The following IP6K1 variants were observed in gnomAD, a reference collection of about 807,000 sequenced individuals.
The protein encoded by IP6K1 is ATP:1D-myo-inositol-hexakisphosphate phosphotransferase.
IP6K1 carries 13 observed loss-of-function variants against 38.3 expected under a neutral mutation model. The observed-to-expected ratio is 0.34, with a 90% CI of 0.22 to 0.54. IP6K1 has a LOEUF of 0.54. IP6K1 is among the 20% of genes least tolerant of loss of function. The pLI is 0.92. For synonymous variants in IP6K1, 212 were observed against 229.9 expected (o/e 0.92, Z 0.70); for missense variants, 397 against 599.8 (o/e 0.66, Z 3.53).
intron 1 of IP6K1, among the ~76,000 whole-genome samples, chr3:49,771,720 G>A (rs2080961652): frequency 1.3e-5 from 2 of 152,164 alleles, no homozygotes; most frequent in African/African-American, 4.8e-5. Context: ...GAATGTGTAT[G>A]TCCACACAAA....
chr3:49,770,171 T>C (rs1431130982), intron 1 of IP6K1, among the ~76,000 whole-genome samples: 1 of 152,328 alleles, frequency 6.6e-6, no homozygotes, highest in East Asian at 1.9e-4. Flanking sequence ...CACTCTAGCC[T>C]GGGCCACTTC....
intron 1 of IP6K1, among the ~76,000 whole-genome samples, chr3:49,782,872 G>A (rs555887345): frequency 6.6e-6 from 1 of 150,814 alleles, no homozygotes; most frequent in East Asian, 2.0e-4. Context: ...CACTTTGGGA[G>A]GCCAAGGTGG....
Position 49,730,741 on chromosome 3 carries a change from A to T in IP6K1, c.616+2050T>A, listed in dbSNP as rs2080555010. Among the ~76,000 whole-genome samples the T allele has an allele frequency of 2.0e-5, 3 of 151,112 alleles. No homozygotes were observed. The South Asian group carries it at 6.3e-4, about 32-fold the overall frequency. ...TTTTGTATTTTTTTTTTTGAGATGG[A>T]GTTTCACTCTTGTTGCCTAGGCTGG... On this transcript the variant is annotated intron_variant, in intron 4 of 5. Transcript: ENST00000321599.
Position 49,727,008 on chromosome 3 carries a change from C to T in IP6K1, c.*114G>A. The T allele has an allele frequency of 4.6e-6, 5 of 1,091,958 alleles. No homozygotes were observed. Among genetic ancestry groups the T allele is most frequent in the Non-Finnish European group, 6.6e-6 (5 of 755,072 alleles). The allele number at this position is 1,091,958 out of a possible 1,614,324, so 67.6% of individuals were successfully genotyped here. On this transcript the variant is annotated 3_prime_UTR_variant, in exon 6 of 6. Coordinates refer to ENST00000321599, the MANE Select transcript of IP6K1 (RefSeq NM_153273.4). This position sits in a 1 kb window ranked among gnomAD's most constrained non-coding sequence, Gnocchi z 5.9. ...CTAAAAACATTTCTTTTAGTTTACACCAAAGAGAAATATAACCCTTTAAAA... is the reference window on the plus strand; with the variant it reads ...CTAAAAACATTTCTTTTAGTTTACATCAAAGAGAAATATAACCCTTTAAAA...
chr3:49,785,254 C>T (rs908994069), intron 1 of IP6K1, among the ~76,000 whole-genome samples: 3 of 144,228 alleles, frequency 2.1e-5, no homozygotes, highest in Admixed American at 6.8e-5. Flanking sequence ...ACACTTGTAA[C>T]CCCAGCACTT....
At chr3:49,775,711 C>T in intron 1 of IP6K1, 1 of 409,922 alleles carries the variant, frequency 2.4e-6, no homozygotes, top group East Asian at 4.6e-5. Context: ...GAGCCCAGAG[C>T]ATCACCAGGA....
chr3:49,744,149 T>C (rs946892940), intron 2 of IP6K1, among the ~76,000 whole-genome samples: 2 of 150,712 alleles, frequency 1.3e-5, no homozygotes, highest in Non-Finnish European at 2.9e-5. Context: ...ACTCCTGTAA[T>C]CCCAGCACTT....
chr3:49,753,182 T>C (rs1026951009), intron 1 of IP6K1, among the ~76,000 whole-genome samples: 1 of 152,164 alleles, frequency 6.6e-6, no homozygotes, highest in Admixed American at 6.6e-5. Context: ...CTGCTTATTA[T>C]CCCACTCCAG....
intron 1 of IP6K1, chr3:49,775,379 T>TTTGTGAC (rs1423715371): frequency 8.4e-6 from 3 of 356,006 alleles, no homozygotes; most frequent in Non-Finnish European, 1.6e-5. Flanking sequence ...AAGTGTGTGA[T>TTTGTGAC]TTGTGACTTT....
rs55990919 is a variant in IP6K1, at chr3:49,727,185, G to T, written c.1263C>A (p.Gly421=). ...TGAGGTTCTCCAGGCCAAACACGTA[G>T]CCTCTGTCTGGCCCATCATGCACGG... ...DPTVHDGPDR[G]YVFGLENLIS... is the part of the protein sequence containing the mutation. Residue 421 remains glycine (G), a synonymous_variant, in exon 6 of 6, where the codon GGC becomes GGA. Transcript: ENST00000321599. The surrounding 1 kb of genome is among the most constrained non-coding windows in gnomAD (Gnocchi z 5.9). 6.2e-7 allele frequency: 1 copy of T among 1,614,098 alleles called. No individual in the cohort carries two copies. The highest frequency in any genetic ancestry group is 8.5e-7 in the Non-Finnish European group (1 of 1,180,004).
At chr3:49,780,717 C>T (rs2081058181) in intron 1 of IP6K1, among the ~76,000 whole-genome samples, 1 of 152,208 alleles carries the variant, frequency 6.6e-6, no homozygotes, top group African/African-American at 2.4e-5. Flanking sequence ...AGGAAGGGCT[C>T]TTTCCAGGCC....
At chr3:49,744,561 T>G (rs1247129469) in intron 2 of IP6K1, among the ~76,000 whole-genome samples, 1 of 152,148 alleles carries the variant, frequency 6.6e-6, no homozygotes, top group African/African-American at 2.4e-5. Flanking sequence ...CTCTTCGTAC[T>G]TCTGACATGA....
intron 1 of IP6K1, among the ~76,000 whole-genome samples, chr3:49,781,820 A>G (rs923867543): frequency 6.6e-6 from 1 of 152,072 alleles, no homozygotes; most frequent in East Asian, 1.9e-4. Flanking sequence ...AAGGTGACTC[A>G]CATTCATAAT....
chr3:49,739,178 C>T (rs2080642866), intron 2 of IP6K1, among the ~76,000 whole-genome samples: 1 of 152,126 alleles, frequency 6.6e-6, no homozygotes, highest in South Asian at 2.1e-4. Context: ...CTCACTTCCA[C>T]ATCCCACCTT....
At position 49,730,722 on chromosome 3, in the gene IP6K1, ATTTTTT is replaced by A. The variant is rs914598178; in HGVS notation, c.616+2063_616+2068del. Among the ~76,000 whole-genome samples the A allele has an allele frequency of 2.1e-5, 3 of 146,144 alleles. No individual in the cohort carries two copies. In the East Asian group the frequency reaches 6.0e-4, roughly 29 times the overall value. On this transcript the variant is annotated intron_variant, in intron 4 of 5. Transcript: ENST00000321599. ...CCACCATGCCCGACTAATTTTTTGT[ATTTTTT>A]TTTTTGAGATGGAGTTTCACTCTTG...
chr3:49,731,887 CA>C (rs71080545), intron 4 of IP6K1, among the ~76,000 whole-genome samples: 28,073 of 65,462 alleles, frequency 0.43, 5,711 homozygotes, highest in South Asian at 0.6. Flanking sequence ...GACTCTGTCT[CA>C]AAAAAAAAAA....
At chr3:49,737,997 C>G (rs1481957730) in intron 3 of IP6K1, among the ~76,000 whole-genome samples, 5 of 152,184 alleles carry the variant, frequency 3.3e-5, no homozygotes, top group Non-Finnish European at 7.3e-5. Flanking sequence ...GCTGAGAGAG[C>G]TTCACTTCCT....
At chr3:49,754,649 T>C (rs1442059602) in intron 1 of IP6K1, among the ~76,000 whole-genome samples, 1 of 152,018 alleles carries the variant, frequency 6.6e-6, no homozygotes, top group Non-Finnish European at 1.5e-5. Flanking sequence ...GCCTAGAAAG[T>C]GACAATGAAT....
intron 2 of IP6K1, among the ~76,000 whole-genome samples, chr3:49,739,234 A>T (rs919713712): frequency 1.3e-5 from 2 of 152,068 alleles, no homozygotes; most frequent in African/African-American, 4.8e-5. Flanking sequence ...AGATGTACAC[A>T]GTTGGCTCTA....
Sources: allele counts gnomAD v4.1 joint callset (sites outside exome capture counted in the v4.1 genomes callset), GRCh38; gene constraint gnomAD v4.1.1; non-coding constraint Gnocchi (gnomAD v3.1); transcripts MANE v1.5; gene names NCBI Gene and HGNC (gene_info 2026-07-23, HGNC 2026-07-21).